The following NBAS variants were observed in gnomAD, a reference collection of about 807,000 sequenced individuals.
The protein encoded by NBAS is NAG/BC035112 fusion.
A neutral mutation model predicts 302.5 loss-of-function variants in NBAS; 219 were observed. The observed-to-expected ratio is 0.72, with a 90% CI of 0.65 to 0.81. The LOEUF (loss-of-function observed/expected upper bound fraction) is 0.81, where lower values mean the gene tolerates loss of function less well. Ranked by LOEUF, NBAS falls within the 30% of genes least tolerant of loss-of-function variation. The pLI is 0.00. For missense variants in NBAS, 2,932 were observed against 2,841.6 expected (o/e 1.03, Z -0.72); for synonymous variants, 1,118 against 1,021.6 (o/e 1.09, Z -1.80).
At chr2:15,036,076 T>C in the NBAS span, among the ~76,000 whole-genome samples, 1 of 152,180 alleles carries the variant, frequency 6.6e-6, no homozygotes, top group Admixed American at 6.5e-5. Flanking sequence ...TCCAATTTAT[T>C]CTCACGCCAA....
chr2:15,399,873 AAAGAC>A (rs1480498788), intron 26 of NBAS, among the ~76,000 whole-genome samples: 1 of 152,188 alleles, frequency 6.6e-6, no homozygotes, highest in African/African-American at 2.4e-5. Context: ...ACTAGAAAGA[AAAGAC>A]AAGAGTCATA....
Position 15,427,755 on chromosome 2 carries a change from T to C in NBAS, c.2379A>G (p.Glu793=). 6.2e-7 allele frequency: 1 copy of C among 1,613,596 alleles called. No individual in the cohort carries two copies. The highest frequency in any genetic ancestry group is 8.5e-7 in the Non-Finnish European group (1 of 1,179,810). The change falls in exon 22 of 52, where the codon GAA becomes GAG. Residue 793 remains glutamate (E), a synonymous_variant. Transcript: ENST00000281513. Reference sequence around the variant, plus strand: ...ACCAATCTTTAGCTCGGTGTTTATGTTCATGCCAAGGAATGATCATCAGGG... The same window carrying C: ...ACCAATCTTTAGCTCGGTGTTTATGCTCATGCCAAGGAATGATCATCAGGG... The part of the protein sequence containing the change: ...GDSLMIIPWH[E]HKHRAKDWCE...
chr2:15,394,022 G>A (rs1675743553), intron 28 of NBAS, among the ~76,000 whole-genome samples: 1 of 151,974 alleles, frequency 6.6e-6, no homozygotes, highest in South Asian at 2.1e-4. Flanking sequence ...ACTTTCAGGG[G>A]TACTGGATGT....
At chr2:15,108,187 T>C in the NBAS span, among the ~76,000 whole-genome samples, 5 of 152,176 alleles carry the variant, frequency 3.3e-5, no homozygotes, top group African/African-American at 1.2e-4. Flanking sequence ...TTTTCATTTC[T>C]CTAAGGAGTG....
chr2:14,928,364 C>T, the NBAS span, among the ~76,000 whole-genome samples: 1 of 151,942 alleles, frequency 6.6e-6, no homozygotes, highest in South Asian at 2.1e-4. Flanking sequence ...AAGCTTTTTA[C>T]AATAGAAGAG....
the NBAS span, among the ~76,000 whole-genome samples, chr2:14,823,627 G>C: frequency 6.6e-6 from 1 of 152,108 alleles, no homozygotes; most frequent in East Asian, 1.9e-4. Context: ...GAAATGATTC[G>C]TTCATTCTTT....
At chr2:14,933,714 G>C in the NBAS span, among the ~76,000 whole-genome samples, 1 of 152,138 alleles carries the variant, frequency 6.6e-6, no homozygotes, top group Admixed American at 6.5e-5. Context: ...CAGTGAGAAG[G>C]CATGATGATA....
At chr2:15,535,752 A>T (rs1394368388) in intron 8 of NBAS, among the ~76,000 whole-genome samples, 2 of 152,196 alleles carry the variant, frequency 1.3e-5, no homozygotes, top group African/African-American at 2.4e-5. Flanking sequence ...ATACAGACAC[A>T]ATTTTTGAAT....
chr2:14,913,557 G>A, the NBAS span, among the ~76,000 whole-genome samples: 5 of 147,612 alleles, frequency 3.4e-5, no homozygotes, highest in Admixed American at 2.7e-4. Context: ...TAAACTAACT[G>A]AGATATTTCA....
chr2:14,905,460 C>T, the NBAS span, among the ~76,000 whole-genome samples: 1 of 152,138 alleles, frequency 6.6e-6, no homozygotes, highest in African/African-American at 2.4e-5. Flanking sequence ...CCCAGCTGTC[C>T]CGCTCGGTGG....
At chr2:14,876,917 C>G in the NBAS span, among the ~76,000 whole-genome samples, 4 of 152,224 alleles carry the variant, frequency 2.6e-5, no homozygotes, top group African/African-American at 9.6e-5. Context: ...AATGCAGCAC[C>G]TCATTGGAAT....
At chr2:15,138,630 C>T in the NBAS span, among the ~76,000 whole-genome samples, 1 of 152,076 alleles carries the variant, frequency 6.6e-6, no homozygotes, top group African/African-American at 2.4e-5. Flanking sequence ...CTCCTCTAAA[C>T]TCAGACCTCA....
chr2:15,469,600 A>T (rs1332803102), intron 16 of NBAS, among the ~76,000 whole-genome samples: 1 of 152,134 alleles, frequency 6.6e-6, no homozygotes, highest in Admixed American at 6.5e-5. Flanking sequence ...ATGTCCATCA[A>T]TGATAGACTG....
At chr2:15,534,277 T>C (rs2148680273) in intron 9 of NBAS, among the ~76,000 whole-genome samples, 1 of 152,258 alleles carries the variant, frequency 6.6e-6, no homozygotes, top group East Asian at 1.9e-4. Context: ...ATTTTACAGA[T>C]GAGAAAAATA....
chr2:15,190,616 C>G (rs1360266941), intron 48 of NBAS, among the ~76,000 whole-genome samples: 1 of 152,166 alleles, frequency 6.6e-6, no homozygotes, highest in African/African-American at 2.4e-5. Flanking sequence ...GAGGAAGGTT[C>G]TAATTAACTT....
the NBAS span, among the ~76,000 whole-genome samples, chr2:14,940,090 C>A: frequency 6.6e-6 from 1 of 152,056 alleles, no homozygotes; most frequent in Non-Finnish European, 1.5e-5. Context: ...ACTAGTTTAC[C>A]CCCTACAGTA....
intron 8 of NBAS, among the ~76,000 whole-genome samples, chr2:15,535,102 T>C (rs1663419050): frequency 6.6e-6 from 1 of 152,180 alleles, no homozygotes; most frequent in Admixed American, 6.5e-5. Context: ...TCTCAAAATA[T>C]GATGAATGAA....
the NBAS span, among the ~76,000 whole-genome samples, chr2:15,037,543 C>T: frequency 0.8 from 122,255 of 152,208 alleles, 49,626 homozygotes; most frequent in East Asian, 1. Flanking sequence ...CTTCCAAGGA[C>T]CCACGATTAG....
the NBAS span, among the ~76,000 whole-genome samples, chr2:14,965,130 AATG>A: frequency 6.6e-6 from 1 of 152,150 alleles, no homozygotes; most frequent in African/African-American, 2.4e-5. Context: ...GAAACTAGAA[AATG>A]ATGAACAAAT....
Sources: gnomAD v4.1 joint callset for allele counts (sites outside exome capture counted in the v4.1 genomes callset) on GRCh38, gnomAD v4.1.1 for gene constraint, MANE v1.5 for transcripts, NCBI Gene and HGNC (gene_info 2026-07-23, HGNC 2026-07-21) for gene names.